The following NIPAL2 variants were observed in gnomAD, a reference collection of about 807,000 sequenced individuals.
The protein encoded by NIPAL2 is NIPA like domain containing 2.
In NIPAL2, 43 loss-of-function variants were observed where a neutral mutation model predicts 48.9. That is an observed-to-expected ratio of 0.88 (90% CI 0.69 to 1.13). The LOEUF (loss-of-function observed/expected upper bound fraction) is 1.13, where lower values mean the gene tolerates loss of function less well. NIPAL2 is among the 50% of genes most tolerant of loss of function. The pLI, the probability that NIPAL2 is intolerant of heterozygous loss-of-function variation, is 0.00. For missense variants in NIPAL2, 446 were observed against 461.4 expected (o/e 0.97, Z 0.31); for synonymous variants, 167 against 174.6 (o/e 0.96, Z 0.34).
At chr8:98,215,924 C>A (rs1811554509) in intron 5 of NIPAL2, among the ~76,000 whole-genome samples, 1 of 152,150 alleles carries the variant, frequency 6.6e-6, no homozygotes, top group African/African-American at 2.4e-5. Flanking sequence ...TTTGCATCAA[C>A]CTAATACAAA....
At chr8:98,264,480 C>G (rs1286505137) in intron 1 of NIPAL2, among the ~76,000 whole-genome samples, 1 of 150,240 alleles carries the variant, frequency 6.7e-6, no homozygotes, top group African/African-American at 2.4e-5. Flanking sequence ...TTCTTATACA[C>G]CAGCAATAGA....
chr8:98,221,050 A>G (rs1811842925), intron 5 of NIPAL2, among the ~76,000 whole-genome samples: 1 of 133,202 alleles, frequency 7.5e-6, no homozygotes, highest in South Asian at 2.2e-4. Context: ...ATCTTGGCTC[A>G]CGGTAGCCTC....
chr8:98,212,022 T>G (rs927438203), intron 6 of NIPAL2, among the ~76,000 whole-genome samples: 2 of 151,976 alleles, frequency 1.3e-5, no homozygotes, highest in African/African-American at 4.8e-5. Flanking sequence ...TATTATAGAG[T>G]TTTTAAAGAA....
intron 1 of NIPAL2, among the ~76,000 whole-genome samples, chr8:98,264,489 G>A (rs1378737170): frequency 6.6e-6 from 1 of 150,494 alleles, no homozygotes; most frequent in Non-Finnish European, 1.5e-5. Context: ...ACCAGCAATA[G>A]ACAAACAGAG....
At chr8:98,213,412 T>C (rs988220662) in intron 5 of NIPAL2, among the ~76,000 whole-genome samples, 1 of 152,210 alleles carries the variant, frequency 6.6e-6, no homozygotes, top group Admixed American at 6.5e-5. Context: ...TCCAGGATGA[T>C]GCATGTAGTA....
intron 1 of NIPAL2, among the ~76,000 whole-genome samples, chr8:98,275,331 C>A (rs549171540): frequency 3.4e-4 from 51 of 152,220 alleles, no homozygotes; most frequent in African/African-American, 1.2e-3. Flanking sequence ...TATGTTATTT[C>A]AAAAATATTG....
chr8:98,294,169 T>C lies in NIPAL2; in HGVS notation c.-32A>G. On this transcript the variant is annotated 5_prime_UTR_variant, in exon 1 of 11. Transcript: ENST00000430223. The stretch of plus-strand genomic sequence containing the variant: ...TCGCTCCCGGCGCTCGGGCTCCGGC[T>C]CGGGCTGCGGCCGCCTCCCCGCCCT... 1 of 1,328,174 alleles carries C rather than the reference T, an allele frequency of 7.5e-7. No individual in the cohort carries two copies. Among genetic ancestry groups the C allele is most frequent in the Non-Finnish European group, 9.6e-7 (1 of 1,040,870 alleles). The allele number at this position is 1,328,174 out of a possible 1,614,324, so 82.3% of individuals were successfully genotyped here. A position where few individuals can be genotyped will look rare whatever the true frequency, so the allele number is the denominator to read the frequency against.
At position 98,205,121 on chromosome 8, in the gene NIPAL2, A is replaced by C. The variant is rs1165331789; in HGVS notation, c.781T>G (p.Phe261Val). The change falls in exon 7 of 11, where the codon TTC (phenylalanine) becomes GTC (valine). Residue 261 changes from phenylalanine to valine, a missense_variant. Transcript: ENST00000430223. ...CAGAAGCTAACTTACTTGACTTGGA[A>C]AACACAAGATGCTATCATGATGATA... ...MFIIMIASCV[F>V]QVKFLNQATK... 1.2e-6 allele frequency: 2 copies of C among 1,613,624 alleles called. No homozygotes were observed.
At chr8:98,204,331 G>A (rs1586300869) in intron 7 of NIPAL2, among the ~76,000 whole-genome samples, 1 of 152,190 alleles carries the variant, frequency 6.6e-6, no homozygotes, top group South Asian at 2.1e-4. Flanking sequence ...ACAATTAGAC[G>A]GTATTTCTCA....
chr8:98,280,753 T>TAGAGAG (rs1270897782), intron 1 of NIPAL2, among the ~76,000 whole-genome samples: 9 of 38,114 alleles, frequency 2.4e-4, no homozygotes, highest in Non-Finnish European at 5.4e-4. Context: ...TATATATATA[T>TAGAGAG]ATATATATAG....
chr8:98,238,452 T>C (rs926069928), intron 3 of NIPAL2, among the ~76,000 whole-genome samples: 3 of 152,220 alleles, frequency 2.0e-5, no homozygotes, highest in South Asian at 2.1e-4. Flanking sequence ...GAATTCTTCA[T>C]AGACATAATT....
intron 1 of NIPAL2, among the ~76,000 whole-genome samples, chr8:98,286,994 C>G (rs1268128450): frequency 6.6e-6 from 1 of 151,860 alleles, no homozygotes; most frequent in Non-Finnish European, 1.5e-5. Context: ...CCATGACAGA[C>G]TGGGTGAAGA....
intron 3 of NIPAL2, among the ~76,000 whole-genome samples, chr8:98,244,614 G>GGCTGTGGTGATGAGAGGGTGA (rs1813202965): frequency 7.8e-6 from 1 of 128,654 alleles, no homozygotes; most frequent in Non-Finnish European, 1.7e-5. Flanking sequence ...TGAGAGGGTG[G>GGCTGTGGTGATGAGAGGGTGA]GCTGTGGTGA....
At chr8:98,280,491 T>C (rs1350363845) in intron 1 of NIPAL2, among the ~76,000 whole-genome samples, 1 of 151,878 alleles carries the variant, frequency 6.6e-6, no homozygotes, top group East Asian at 1.9e-4. Flanking sequence ...ATGACTGTAA[T>C]GGCCTGTACA....
chr8:98,249,666 A>G (rs1159073768), intron 3 of NIPAL2, among the ~76,000 whole-genome samples: 1 of 147,510 alleles, frequency 6.8e-6, no homozygotes, highest in Non-Finnish European at 1.5e-5. Flanking sequence ...TAATTAATAT[A>G]TTAAATATAT....
chr8:98,265,350 C>G (rs1271728816), intron 1 of NIPAL2, among the ~76,000 whole-genome samples: 2 of 144,856 alleles, frequency 1.4e-5, no homozygotes, highest in Non-Finnish European at 3.0e-5. Flanking sequence ...AGGCAACCTA[C>G]AGAATGGGAG....
At chr8:98,232,221 G>A (rs539711763) in intron 4 of NIPAL2, among the ~76,000 whole-genome samples, 46 of 152,220 alleles carry the variant, frequency 3.0e-4, no homozygotes, top group Non-Finnish European at 5.1e-4. Context: ...TAGAATAGGT[G>A]ACTAAATCCT....
At chr8:98,221,651 C>T (rs887634691) in intron 5 of NIPAL2, among the ~76,000 whole-genome samples, 4 of 152,142 alleles carry the variant, frequency 2.6e-5, no homozygotes, top group African/African-American at 9.7e-5. Context: ...ACCCATCAAC[C>T]TGTCACCTAC....
At chr8:98,212,008 G>A (rs1811344818) in intron 6 of NIPAL2, among the ~76,000 whole-genome samples, 1 of 152,118 alleles carries the variant, frequency 6.6e-6, no homozygotes, top group African/African-American at 2.4e-5. Context: ...TTTCGTATTA[G>A]TCATATTATA....
Sources: allele counts gnomAD v4.1 joint callset (sites outside exome capture counted in the v4.1 genomes callset), GRCh38; gene constraint gnomAD v4.1.1; transcripts MANE v1.5; gene names NCBI Gene and HGNC (gene_info 2026-07-23, HGNC 2026-07-21).